The following MARCHF1 variants were observed in gnomAD, a reference collection of about 807,000 sequenced individuals.
MARCHF1 encodes the protein E3 ubiquitin-protein ligase MARCHF1.
A neutral mutation model predicts 54.2 loss-of-function variants in MARCHF1; 40 were observed. The ratio of observed to expected loss-of-function variants is 0.74; its 90% CI spans 0.57 to 0.96. The LOEUF (loss-of-function observed/expected upper bound fraction) is 0.96. MARCHF1 is among the 40% of genes least tolerant of loss of function. MARCHF1 has a pLI of 0.00. For synonymous variants in MARCHF1, 236 were observed against 236.3 expected, an observed-to-expected ratio of 1.00 and a Z score of 0.01; for missense variants, 586 against 656.5, an observed-to-expected ratio of 0.89 and a Z score of 1.17.
rs1745800157 is a variant in MARCHF1 at position 163,730,711 on chromosome 4, T to C, written c.112-29848A>G. ...TTGATTGTTGTAAGTTGCCTCTGTGTTCATGATCAGCCTGAAGAGTAAGCT... is the reference window on the plus strand; with the variant it reads ...TTGATTGTTGTAAGTTGCCTCTGTGCTCATGATCAGCCTGAAGAGTAAGCT... On this transcript the variant is annotated intron_variant, in intron 4 of 9. Coordinates refer to ENST00000514618, the MANE Select transcript of MARCHF1 (RefSeq NM_001394959.1). 2.0e-5 allele frequency among the ~76,000 whole-genome samples: 3 copies of C among 152,294 alleles called. 1 individual carries two copies. The highest frequency in any genetic ancestry group is 6.8e-3 in the Middle Eastern group (2 of 294).
At chr4:163,616,555 G>A (rs76606046) in intron 5 of MARCHF1, among the ~76,000 whole-genome samples, 12,948 of 152,048 alleles carry the variant, frequency 0.085, 753 homozygotes, top group East Asian at 0.24. Flanking sequence ...ACAGTGAGAT[G>A]TTATCTCACT....
At chr4:163,583,942 C>T (rs368466517) in intron 8 of MARCHF1, 3 of 151,536 alleles carry the variant, frequency 2.0e-5, no homozygotes, top group African/African-American at 7.3e-5. Context: ...CAGGTGTAAG[C>T]CACCGTGCCT....
intron 2 of MARCHF1, among the ~76,000 whole-genome samples, chr4:164,021,187 G>A (rs1753655800): frequency 6.6e-6 from 1 of 150,990 alleles, no homozygotes; most frequent in African/African-American, 2.4e-5. Flanking sequence ...GAGGCAGGTT[G>A]TTAGAGACAG....
rs574762626 is a variant in MARCHF1 at position 164,371,393 on chromosome 4, T to C, written c.-323+12477A>G. ...CTAAATTTGTAAAGGAAAAGAATGA[T>C]AAAACTGAGCATAACAAAATTTCAA... On this transcript the variant is annotated intron_variant, in intron 1 of 9. Coordinates refer to ENST00000514618, the MANE Select transcript of MARCHF1 (RefSeq NM_001394959.1). 6.6e-5 allele frequency among the ~76,000 whole-genome samples: 10 copies of C among 152,244 alleles called. No individual in the cohort carries two copies. The East Asian group carries it at 1.9e-3, about 29-fold the overall frequency.
Position 164,267,085 on chromosome 4 carries a change from A to G in MARCHF1, c.-323+116785T>C, listed in dbSNP as rs1318198708. ...ACAAATACCTAACATAGACATTTGT[A>G]TGTGATAAGAGAGCCAGAGTACAAT... On this transcript the variant is annotated intron_variant, in intron 1 of 9. Transcript: ENST00000514618. 2.0e-5 allele frequency among the ~76,000 whole-genome samples: 3 copies of G among 152,178 alleles called. No individual in the cohort carries two copies. The East Asian group carries it at 5.8e-4, about 29-fold the overall frequency.
chr4:163,580,482 A>G (rs993826940), intron 8 of MARCHF1, among the ~76,000 whole-genome samples: 13 of 152,330 alleles, frequency 8.5e-5, no homozygotes, highest in Non-Finnish European at 1.5e-4. Context: ...TTGGAGAAAC[A>G]GAAATGACAG....
intron 4 of MARCHF1, among the ~76,000 whole-genome samples, chr4:163,789,401 G>C (rs1303361043): frequency 6.6e-6 from 1 of 151,872 alleles, no homozygotes; most frequent in Admixed American, 6.6e-5. Flanking sequence ...ATAGGGACTA[G>C]GCTGCTTAAT....
chr4:164,147,746 G>A (rs1481442351), intron 1 of MARCHF1, among the ~76,000 whole-genome samples: 14 of 145,928 alleles, frequency 9.6e-5, no homozygotes, highest in East Asian at 2.0e-4. Flanking sequence ...TGGGTGCAGC[G>A]CACCAGCATG....
intron 1 of MARCHF1, among the ~76,000 whole-genome samples, chr4:164,199,556 C>A (rs35881199): frequency 6.6e-6 from 1 of 150,878 alleles, no homozygotes; most frequent in South Asian, 2.1e-4. Context: ...GGCAGGGAAT[C>A]GCTTGAGAGG....
intron 5 of MARCHF1, chr4:163,613,681 G>T: frequency 8.1e-7 from 1 of 1,239,602 alleles, no homozygotes; most frequent in Non-Finnish European, 1.1e-6. Context: ...TCATTTGAGT[G>T]GAATAGCTCA....
intron 4 of MARCHF1, among the ~76,000 whole-genome samples, chr4:163,833,175 C>T (rs1472091825): frequency 6.6e-6 from 1 of 152,112 alleles, no homozygotes; most frequent in Non-Finnish European, 1.5e-5. Context: ...CGCTGACTTC[C>T]ACAATGGTTG....
chr4:164,139,491 TC>T (rs1379907135), intron 1 of MARCHF1, among the ~76,000 whole-genome samples: 5 of 115,260 alleles, frequency 4.3e-5, no homozygotes, highest in African/African-American at 2.0e-4. Flanking sequence ...CTATCTAAAG[TC>T]AAAAAAAAAA....
intron 3 of MARCHF1, among the ~76,000 whole-genome samples, chr4:163,958,770 GA>G (rs1461663321): frequency 4.6e-5 from 7 of 151,838 alleles, no homozygotes; most frequent in African/African-American, 1.7e-4. Flanking sequence ...GATCATTCTT[GA>G]AAATTTTTTC....
intron 2 of MARCHF1, among the ~76,000 whole-genome samples, chr4:164,025,557 C>A (rs188209459): frequency 2.0e-4 from 30 of 151,846 alleles, no homozygotes; most frequent in African/African-American, 7.2e-4. Context: ...CACAACTTAC[C>A]AACATTTCTG....
intron 4 of MARCHF1, among the ~76,000 whole-genome samples, chr4:163,818,116 A>G (rs1305906080): frequency 1.3e-5 from 2 of 152,074 alleles, no homozygotes; most frequent in Admixed American, 6.6e-5. Context: ...TATAATAAAA[A>G]AAAGAAAGCC....
At chr4:164,281,873 C>T (rs1456944315) in intron 1 of MARCHF1, among the ~76,000 whole-genome samples, 2 of 152,134 alleles carry the variant, frequency 1.3e-5, no homozygotes, top group Non-Finnish European at 2.9e-5. Flanking sequence ...TAACAAATGA[C>T]TTGAACTCAT....
At chr4:163,819,734 G>A (rs926601251) in intron 4 of MARCHF1, among the ~76,000 whole-genome samples, 2 of 151,878 alleles carry the variant, frequency 1.3e-5, no homozygotes, top group Admixed American at 6.6e-5. Context: ...CCCAATATTC[G>A]TACAAACCAT....
chr4:164,351,743 G>A (rs1264405143), intron 1 of MARCHF1, among the ~76,000 whole-genome samples: 5 of 152,104 alleles, frequency 3.3e-5, no homozygotes, highest in African/African-American at 7.2e-5. Flanking sequence ...CACCAGCAGC[G>A]GAACAAAGCT....
At chr4:163,714,923 T>C (rs1188016354) in intron 4 of MARCHF1, among the ~76,000 whole-genome samples, 1 of 152,086 alleles carries the variant, frequency 6.6e-6, no homozygotes, top group African/African-American at 2.4e-5. Flanking sequence ...CTCAAGTAAT[T>C]TTCCTGCCTC....
Sources: gnomAD v4.1 joint callset for allele counts (sites outside exome capture counted in the v4.1 genomes callset) on GRCh38, gnomAD v4.1.1 for gene constraint, MANE v1.5 for transcripts, NCBI Gene and HGNC (gene_info 2026-07-23, HGNC 2026-07-21) for gene names.